Variants in GRIK2 observed in about 807,000 individuals in gnomAD.
GRIK2 encodes glutamate ionotropic receptor kainate type subunit 2.
In GRIK2, 32 loss-of-function variants were observed where a neutral mutation model predicts 100.3. The ratio of observed to expected loss-of-function variants is 0.32; its 90% CI spans 0.24 to 0.43. The LOEUF is 0.43. Among genes scored for constraint, GRIK2 ranks in the 20% least tolerant of loss-of-function variants. GRIK2 has a pLI of 1.00. For missense variants in GRIK2, 843 were observed against 1,114.9 expected, an observed-to-expected ratio of 0.76 and a Z score of 3.47; for synonymous variants, 417 against 389.4, an observed-to-expected ratio of 1.07 and a Z score of -0.83.
At chr6:102,042,289 A>G (rs1483013383) in intron 15 of GRIK2, among the ~76,000 whole-genome samples, 1 of 151,652 alleles carries the variant, frequency 6.6e-6, no homozygotes, top group African/African-American at 2.4e-5. Context: ...TTTTCTTTAC[A>G]TTTGACCAAT....
At position 101,846,747 on chromosome 6, in the gene GRIK2, C is replaced by T. The variant is rs528396779; in HGVS notation, c.1318-12540C>T. On this transcript the variant is annotated intron_variant, in intron 10 of 16. Transcript: ENST00000369134. ...TTTGAGGAAGTTTTGATAGCAGTGT[C>T]TCTGTAGAAATTTGTCTATTTCATT... Among the ~76,000 whole-genome samples, 9 of 152,018 alleles carry T rather than the reference C, an allele frequency of 5.9e-5. No homozygotes were observed. In the South Asian group the frequency reaches 1.7e-3, roughly 28 times the overall value.
intron 2 of GRIK2, among the ~76,000 whole-genome samples, chr6:101,523,649 T>C (rs1774997810): frequency 6.6e-6 from 1 of 150,678 alleles, no homozygotes; most frequent in Non-Finnish European, 1.5e-5. Flanking sequence ...TGTAGAAACA[T>C]AAATAGTGCC....
chr6:101,573,811 C>T (rs1395857846), intron 2 of GRIK2, among the ~76,000 whole-genome samples: 1 of 151,930 alleles, frequency 6.6e-6, no homozygotes, highest in Non-Finnish European at 1.5e-5. Flanking sequence ...ATTGAGAATT[C>T]CCTAATTCTC....
chr6:101,939,628 C>T (rs1419631873), intron 14 of GRIK2, among the ~76,000 whole-genome samples: 2 of 152,108 alleles, frequency 1.3e-5, no homozygotes, highest in Admixed American at 1.3e-4. Context: ...TTTCCATGTA[C>T]ACATTACAGA....
chr6:101,628,941 T>C (rs1780584621), intron 4 of GRIK2, among the ~76,000 whole-genome samples: 1 of 152,120 alleles, frequency 6.6e-6, no homozygotes, highest in Non-Finnish European at 1.5e-5. Context: ...GTGGCATTTT[T>C]ATTTAATATA....
intron 2 of GRIK2, among the ~76,000 whole-genome samples, chr6:101,587,902 G>C (rs765347281): frequency 6.6e-6 from 1 of 152,078 alleles, no homozygotes; most frequent in Non-Finnish European, 1.5e-5. Context: ...TTGAAACTAG[G>C]TGGAAAAGGT....
At chr6:101,797,689 T>A (rs374791575) in intron 7 of GRIK2, among the ~76,000 whole-genome samples, 3 of 136,612 alleles carry the variant, frequency 2.2e-5, no homozygotes, top group Non-Finnish European at 3.1e-5. Context: ...TTATATATTT[T>A]TTTTATGTAT....
chr6:101,547,033 GT>G (rs546408697), intron 2 of GRIK2, among the ~76,000 whole-genome samples: 1,926 of 150,966 alleles, frequency 0.013, 34 homozygotes, highest in African/African-American at 0.042. Flanking sequence ...GGGTTTCACC[GT>G]TTTAGCCGGG....
intron 3 of GRIK2, among the ~76,000 whole-genome samples, chr6:101,624,072 A>G (rs529899056): frequency 6.6e-6 from 1 of 151,962 alleles, no homozygotes; most frequent in African/African-American, 2.4e-5. Context: ...ATTTTATCTA[A>G]TTTTTTTCTG....
chr6:101,995,486 T>C (rs2128493434), intron 14 of GRIK2, among the ~76,000 whole-genome samples: 1 of 152,058 alleles, frequency 6.6e-6, no homozygotes, highest in African/African-American at 2.4e-5. Flanking sequence ...TTTCATCCAG[T>C]TTCAAAACTC....
intron 2 of GRIK2, among the ~76,000 whole-genome samples, chr6:101,593,101 T>C (rs1778752564): frequency 6.6e-6 from 1 of 151,902 alleles, no homozygotes; most frequent in South Asian, 2.1e-4. Context: ...TGGCATCCTA[T>C]GGGTGTTTGA....
intron 8 of GRIK2, among the ~76,000 whole-genome samples, chr6:101,801,145 G>A (rs900199863): frequency 6.6e-6 from 1 of 151,934 alleles, no homozygotes; most frequent in Non-Finnish European, 1.5e-5. Context: ...ATTTCACCTG[G>A]TATACATTTC....
chr6:102,000,276 CTTTT>C (rs34370144), intron 14 of GRIK2, among the ~76,000 whole-genome samples: 5 of 113,572 alleles, frequency 4.4e-5, no homozygotes, highest in Non-Finnish European at 9.2e-5. Flanking sequence ...TTGTTGAAGG[CTTTT>C]TTTTTTTTTT....
intron 14 of GRIK2, among the ~76,000 whole-genome samples, chr6:101,984,648 CA>C (rs1793914355): frequency 2.0e-5 from 3 of 150,730 alleles, no homozygotes; most frequent in African/African-American, 4.8e-5. Flanking sequence ...CACACACACA[CA>C]CACACACCCT....
At chr6:101,833,841 A>G (rs1782870717) in intron 10 of GRIK2, among the ~76,000 whole-genome samples, 1 of 152,116 alleles carries the variant, frequency 6.6e-6, no homozygotes, top group Non-Finnish European at 1.5e-5. Flanking sequence ...TAATTACAAT[A>G]TTTAACTACT....
intron 12 of GRIK2, among the ~76,000 whole-genome samples, chr6:101,894,780 G>T (rs901948607): frequency 1.3e-5 from 2 of 151,262 alleles, no homozygotes; most frequent in Non-Finnish European, 3.0e-5. Flanking sequence ...TATATGTTAG[G>T]TTTTTTTTCC....
intron 14 of GRIK2, among the ~76,000 whole-genome samples, chr6:101,999,874 T>C (rs1467334084): frequency 6.6e-6 from 1 of 152,082 alleles, no homozygotes; most frequent in East Asian, 1.9e-4. Context: ...TTTTTTAGTG[T>C]TTTAAAATCA....
chr6:101,795,917 T>G (rs1780272004), intron 7 of GRIK2, among the ~76,000 whole-genome samples: 1 of 152,184 alleles, frequency 6.6e-6, no homozygotes, highest in African/African-American at 2.4e-5. Flanking sequence ...CATTTACCAG[T>G]TTTCTATAAT....
chr6:101,563,083 T>C (rs1166635809), intron 2 of GRIK2, among the ~76,000 whole-genome samples: 1 of 152,188 alleles, frequency 6.6e-6, no homozygotes, highest in Non-Finnish European at 1.5e-5. Context: ...TCAGTTTTCA[T>C]CCTTGATTAT....
Sources: allele counts gnomAD v4.1 joint callset (sites outside exome capture counted in the v4.1 genomes callset), GRCh38; gene constraint gnomAD v4.1.1; transcripts MANE v1.5; gene names NCBI Gene and HGNC (gene_info 2026-07-23, HGNC 2026-07-21).